MAGI3: variants seen among roughly 807,000 people sequenced by gnomAD.
MAGI3 encodes the protein membrane associated guanylate kinase, WW and PDZ domain containing 3, also known as membrane-associated guanylate kinase, WW and PDZ domain-containing protein 3.
Under a neutral mutation model 121.8 loss-of-function variants are expected in MAGI3, and 43 were observed. That is an observed-to-expected ratio of 0.35 (90% CI 0.28 to 0.46). The LOEUF (loss-of-function observed/expected upper bound fraction) is 0.46, where lower values mean the gene tolerates loss of function less well. Ranked by LOEUF, MAGI3 falls within the 20% of genes least tolerant of loss-of-function variation. The pLI is 1.00. For synonymous variants in MAGI3, 553 were observed against 639.3 expected (o/e 0.86, Z 2.04); for missense variants, 1,547 against 1,797.3 (o/e 0.86, Z 2.52).
intron 2 of MAGI3, among the ~76,000 whole-genome samples, chr1:113,571,512 TC>T (rs1160165209): frequency 2.6e-5 from 4 of 152,242 alleles, no homozygotes; most frequent in Non-Finnish European, 4.4e-5. Flanking sequence ...TATCGGTTTT[TC>T]CTATTCATGA....
Position 113,642,343 on chromosome 1 carries a change from G to C in MAGI3, c.1793G>C (p.Gly598Ala), listed in dbSNP as rs778972160. The change falls in exon 10 of 21, where the codon GGA becomes GCA. Residue 598 changes from glycine (G) to alanine (A), a missense_variant. By Grantham distance (60) the Gly-to-Ala change is moderately conservative. Transcript: ENST00000307546. Reference protein sequence around the residue: ...FGFAIADSPTGQKVKMILDSQ... With the variant: ...FGFAIADSPTAQKVKMILDSQ... ...TTTGCAATTGCTGACAGCCCTACTGGACAGAAGGTGAAAATGATACTGGAT... is the reference window on the plus strand; with the variant it reads ...TTTGCAATTGCTGACAGCCCTACTGCACAGAAGGTGAAAATGATACTGGAT... 1.9e-6 allele frequency: 3 copies of C among 1,614,144 alleles called. No individual in the cohort carries two copies. Among genetic ancestry groups the C allele is most frequent in the Non-Finnish European group, 2.5e-6 (3 of 1,180,020 alleles).
intron 1 of MAGI3, among the ~76,000 whole-genome samples, chr1:113,508,191 T>A (rs1265303668): frequency 6.6e-6 from 1 of 152,174 alleles, no homozygotes; most frequent in Non-Finnish European, 1.5e-5. Flanking sequence ...TATAAATTTA[T>A]GAAAAAGTGC....
chr1:113,471,493 G>A (rs1344807281), intron 1 of MAGI3, among the ~76,000 whole-genome samples: 2 of 152,084 alleles, frequency 1.3e-5, no homozygotes, highest in African/African-American at 4.8e-5. Context: ...GTTCATAGCA[G>A]TAAACACCTA....
At chr1:113,513,114 A>G (rs1276056322) in intron 1 of MAGI3, among the ~76,000 whole-genome samples, 1 of 152,204 alleles carries the variant, frequency 6.6e-6, no homozygotes, top group Non-Finnish European at 1.5e-5. Flanking sequence ...CCACTGCTCA[A>G]TGAAATAAAG....
chr1:113,397,750 A>G (rs1651192631), intron 1 of MAGI3, among the ~76,000 whole-genome samples: 1 of 152,278 alleles, frequency 6.6e-6, no homozygotes, highest in African/African-American at 2.4e-5. Flanking sequence ...TAAGGTGCTT[A>G]ATGCTATTTC....
At chr1:113,480,849 C>G (rs1404232626) in intron 1 of MAGI3, among the ~76,000 whole-genome samples, 2 of 152,142 alleles carry the variant, frequency 1.3e-5, no homozygotes, top group Admixed American at 6.5e-5. Flanking sequence ...TGATGGCACT[C>G]TAGTGTGACT....
At position 113,478,659 on chromosome 1, in the gene MAGI3, C is replaced by T. The variant is rs567505106; in HGVS notation, c.317-70856C>T. On this transcript the variant is annotated intron_variant, in intron 1 of 20. Transcript: ENST00000307546. The stretch of plus-strand genomic sequence containing the variant: ...TCAGCTGTCTATATGAGGTGGCTGT[C>T]GGCCCCTACTGGGAGGTGTCTCCCA... Among the ~76,000 whole-genome samples the T allele has an allele frequency of 2.6e-5, 4 of 152,270 alleles. No homozygotes were observed. In the East Asian group the frequency reaches 5.8e-4, roughly 22 times the overall value.
chr1:113,641,091 T>TAA (rs1557869108), intron 9 of MAGI3, among the ~76,000 whole-genome samples: 2 of 20,210 alleles, frequency 9.9e-5, no homozygotes, highest in African/African-American at 3.1e-4. Context: ...GAGATATATA[T>TAA]TATATATATG....
intron 9 of MAGI3, among the ~76,000 whole-genome samples, chr1:113,635,710 A>G (rs1471494265): frequency 6.6e-5 from 10 of 151,342 alleles, no homozygotes; most frequent in East Asian, 2.0e-4. Flanking sequence ...GTCTCTGCCC[A>G]GCTTTGGTGT....
At chr1:113,410,474 G>A (rs1163197785) in intron 1 of MAGI3, among the ~76,000 whole-genome samples, 1 of 151,938 alleles carries the variant, frequency 6.6e-6, no homozygotes. Context: ...TCCTAGACGT[G>A]TGAATACATG....
At chr1:113,604,154 G>A (rs1649585209) in intron 6 of MAGI3, among the ~76,000 whole-genome samples, 1 of 152,048 alleles carries the variant, frequency 6.6e-6, no homozygotes, top group African/African-American at 2.4e-5. Flanking sequence ...AGAAAAAGAA[G>A]TCATTATATC....
intron 9 of MAGI3, among the ~76,000 whole-genome samples, chr1:113,630,948 C>T (rs1651590077): frequency 1.3e-5 from 2 of 152,156 alleles, no homozygotes; most frequent in African/African-American, 4.8e-5. Flanking sequence ...ACTCGGGGCC[C>T]AGAGCACTCC....
chr1:113,507,907 G>A (rs1441094948), intron 1 of MAGI3, among the ~76,000 whole-genome samples: 1 of 152,152 alleles, frequency 6.6e-6, no homozygotes, highest in East Asian at 1.9e-4. Context: ...CAGTATTCAT[G>A]TCAACCTTAT....
intron 1 of MAGI3, among the ~76,000 whole-genome samples, chr1:113,449,428 T>A (rs1292559071): frequency 6.6e-6 from 1 of 151,168 alleles, no homozygotes. Flanking sequence ...CATGTAATAT[T>A]AAGAAAAAAC....
In MAGI3 at chr1:113,659,103, G is replaced by C; in HGVS notation, c.2653G>C (p.Val885Leu). The C allele has an allele frequency of 6.2e-7, 1 of 1,612,468 alleles. No homozygotes were observed. The highest frequency in any genetic ancestry group is 8.5e-7 in the Non-Finnish European group (1 of 1,179,324). ...AGTTATTCCTCATAAAATTGGCCGAGTCATAGAAGGAAGTCCGGCTGACCG... is the reference window on the plus strand; with the variant it reads ...AGTTATTCCTCATAAAATTGGCCGACTCATAGAAGGAAGTCCGGCTGACCG... ...PGVIPHKIGR[V>L]IEGSPADRCG... The change falls in exon 16 of 21, where the codon GTC (valine) becomes CTC (leucine). Residue 885 changes from valine to leucine, a missense_variant. Coordinates refer to ENST00000307546, the MANE Select transcript of MAGI3 (RefSeq NM_001142782.2).
At chr1:113,514,572 C>G (rs7514376) in intron 1 of MAGI3, among the ~76,000 whole-genome samples, 35,926 of 146,402 alleles carry the variant, frequency 0.25, 4,936 homozygotes, top group East Asian at 0.63. Flanking sequence ...GGGAATTGAA[C>G]AAAGAGATCA....
chr1:113,580,690 C>T lies in MAGI3; in HGVS notation c.553+29C>T, dbSNP rs753224298. The T allele has an allele frequency of 2.6e-6, 4 of 1,550,072 alleles. No individual in the cohort carries two copies. The South Asian group carries it at 5.1e-5, about 20-fold the overall frequency. ...TGTCCCCAAATAACATCACTACCAC[C>T]CAAAAAACTATCTGAACGACTGGAA... On this transcript the variant is annotated intron_variant, in intron 3 of 20. Coordinates refer to ENST00000307546, the MANE Select transcript of MAGI3 (RefSeq NM_001142782.2).
intron 6 of MAGI3, 105 bp downstream of exon 6, chr1:113,594,665 A>T: frequency 1.2e-6 from 1 of 814,162 alleles, no homozygotes; most frequent in Non-Finnish European, 1.9e-6. Flanking sequence ...ACCATAATGT[A>T]CACAAGCAAA....
intron 16 of MAGI3, among the ~76,000 whole-genome samples, chr1:113,668,773 G>A (rs1172004436): frequency 1.3e-5 from 2 of 150,908 alleles, no homozygotes; most frequent in Non-Finnish European, 3.0e-5. Context: ...TAGTAGAGAC[G>A]GGGTTTCACC....
Sources: allele counts gnomAD v4.1 joint callset (sites outside exome capture counted in the v4.1 genomes callset), GRCh38; gene constraint gnomAD v4.1.1; transcripts MANE v1.5; gene names NCBI Gene and HGNC (gene_info 2026-07-23, HGNC 2026-07-21).